The following EPB41L4A variants were observed in gnomAD, a reference collection of about 807,000 sequenced individuals.
EPB41L4A encodes the protein band 4.1-like protein 4A.
EPB41L4A carries 100 observed loss-of-function variants against 108.6 expected under a neutral mutation model. The observed-to-expected ratio is 0.92, with a 90% CI of 0.78 to 1.09. EPB41L4A has a LOEUF of 1.09. Among genes scored for constraint, EPB41L4A ranks in the 50% least tolerant of loss-of-function variants. EPB41L4A has a pLI of 0.00. For synonymous variants in EPB41L4A, 319 were observed against 289.0 expected, an observed-to-expected ratio of 1.10 and a Z score of -1.05; for missense variants, 1,030 against 842.7, an observed-to-expected ratio of 1.22 and a Z score of -2.75.
Position 112,204,385 on chromosome 5 carries a change from C to A in EPB41L4A, c.1366G>T (p.Val456Leu). 1 of 1,611,724 alleles carries A rather than the reference C, an allele frequency of 6.2e-7. No homozygotes were observed. Among genetic ancestry groups the A allele is most frequent in the Middle Eastern group, 1.7e-4 (1 of 6,060 alleles). Residue 456 changes from valine (V) to leucine (L), a missense_variant, in exon 15 of 23, where the codon GTG becomes TTG. Val to Leu is a conservative substitution (Grantham distance 32). Transcript: ENST00000261486. ...TTGTGTTCCGCTTACCTCCTCCTCA[C>A]AGGCTGTACAGAATCATTGTCACTT... is the stretch of plus-strand genomic sequence containing the variant. ...CGSDNDSVQP[V>L]RRRKAHNSGE...
At chr5:112,299,872 A>G (rs1249397059) in intron 2 of EPB41L4A, among the ~76,000 whole-genome samples, 1 of 152,130 alleles carries the variant, frequency 6.6e-6, no homozygotes, top group African/African-American at 2.4e-5. Flanking sequence ...TGGGACTGTG[A>G]TATTTTCCTG....
chr5:112,400,623 G>T (rs1201784892), intron 1 of EPB41L4A, among the ~76,000 whole-genome samples: 1 of 152,020 alleles, frequency 6.6e-6, no homozygotes, highest in African/African-American at 2.4e-5. Context: ...GCAAAGACAG[G>T]ACCAAGCCAT....
intron 1 of EPB41L4A, among the ~76,000 whole-genome samples, chr5:112,331,518 C>A (rs1303334774): frequency 6.6e-6 from 1 of 152,234 alleles, no homozygotes; most frequent in Non-Finnish European, 1.5e-5. Flanking sequence ...CTGCTCCTCA[C>A]TGATACTTTG....
intron 2 of EPB41L4A, among the ~76,000 whole-genome samples, chr5:112,305,530 T>G (rs1754631617): frequency 6.6e-6 from 1 of 152,210 alleles, no homozygotes; most frequent in African/African-American, 2.4e-5. Context: ...AGGGTTTTTT[T>G]TAAATCCTTA....
intron 12 of EPB41L4A, among the ~76,000 whole-genome samples, chr5:112,224,705 A>T (rs1352677344): frequency 1.3e-5 from 2 of 152,150 alleles, no homozygotes; most frequent in East Asian, 3.9e-4. Flanking sequence ...TGGCTTAAAT[A>T]ATCAGTCAAG....
chr5:112,379,089 A>C (rs1206191155), intron 1 of EPB41L4A, among the ~76,000 whole-genome samples: 1 of 152,146 alleles, frequency 6.6e-6, no homozygotes, highest in Non-Finnish European at 1.5e-5. Context: ...AAATCAGTGC[A>C]TTCTCTCAGT....
intron 15 of EPB41L4A, 118 bp from the exon 16 acceptor site, chr5:112,195,826 C>T (rs537104224): frequency 2.0e-5 from 17 of 871,780 alleles, no homozygotes; most frequent in South Asian, 1.4e-4. Context: ...CATTCATTTG[C>T]CAAACATTTA....
intron 12 of EPB41L4A, among the ~76,000 whole-genome samples, chr5:112,220,991 C>A (rs1404540761): frequency 6.6e-6 from 1 of 152,160 alleles, no homozygotes; most frequent in East Asian, 1.9e-4. Flanking sequence ...TATCTCATTT[C>A]TTTGGGTCTT....
chr5:112,244,855 A>C (rs992489551), intron 9 of EPB41L4A, among the ~76,000 whole-genome samples: 1 of 152,178 alleles, frequency 6.6e-6, no homozygotes, highest in African/African-American at 2.4e-5. Flanking sequence ...TTCATTAGAA[A>C]GTAGAGCCTT....
chr5:112,389,504 CATA>C (rs1760787675), intron 1 of EPB41L4A, among the ~76,000 whole-genome samples: 1 of 152,216 alleles, frequency 6.6e-6, no homozygotes, highest in African/African-American at 2.4e-5. Context: ...CTTACACTGG[CATA>C]ATAACGAAGT....
intron 12 of EPB41L4A, among the ~76,000 whole-genome samples, chr5:112,232,997 T>C (rs4958020): frequency 0.3 from 45,921 of 152,064 alleles, 7,715 homozygotes; most frequent in Non-Finnish European, 0.38. Context: ...GAACATGGAT[T>C]AAAGCTGCTT....
rs969821880 is a variant in EPB41L4A at position 112,164,885 on chromosome 5, A to C, written c.*105T>G. On this transcript the variant is annotated 3_prime_UTR_variant, in exon 23 of 23. Transcript: ENST00000261486. ...TAATGTATTTTCTCATGCTGAAGAA[A>C]TACTTGCAGGTCTGAGATTTGAATT... 1 of 1,192,416 alleles carries C rather than the reference A, an allele frequency of 8.4e-7. No homozygotes were observed. The highest frequency in any genetic ancestry group is 1.6e-5 in the African/African-American group (1 of 63,586). 73.9% of individuals were successfully genotyped at this position (1,192,416 alleles called of 1,614,324 possible). A position where few individuals can be genotyped will look rare whatever the true frequency, so the allele number is the denominator to read the frequency against.
intron 3 of EPB41L4A, among the ~76,000 whole-genome samples, chr5:112,278,600 T>C (rs1373720435): frequency 1.3e-5 from 2 of 152,132 alleles, no homozygotes; most frequent in Non-Finnish European, 2.9e-5. Context: ...GACTGCATTA[T>C]AGACTGATAC....
chr5:112,357,984 T>C (rs1272386765), intron 1 of EPB41L4A, among the ~76,000 whole-genome samples: 2 of 152,240 alleles, frequency 1.3e-5, no homozygotes, highest in Non-Finnish European at 2.9e-5. Flanking sequence ...TCTTCCTCAA[T>C]AGTCCAAGAA....
At position 112,170,352 on chromosome 5, in the gene EPB41L4A, G is replaced by A; in HGVS notation, c.1688C>T (p.Pro563Leu). 1.2e-6 allele frequency: 2 copies of A among 1,610,922 alleles called. No individual in the cohort carries two copies. Among genetic ancestry groups the A allele is most frequent in the Non-Finnish European group, 1.7e-6 (2 of 1,177,408 alleles). Reference protein sequence around the residue: ...WKHIQKELVDPSGLSEEQLKE... With the variant: ...WKHIQKELVDLSGLSEEQLKE... ...TAATTGTTCTTCGGACAATCCGGATGGATCCACAAGTTCTTTTCTGTAAAG... is the reference window on the plus strand; with the variant it reads ...TAATTGTTCTTCGGACAATCCGGATAGATCCACAAGTTCTTTTCTGTAAAG... Residue 563 changes from proline (P) to leucine (L), a missense_variant, in exon 20 of 23, where the codon CCA (proline) becomes CTA (leucine). Pro to Leu is a moderately conservative substitution (Grantham distance 98, BLOSUM62 -3). Coordinates refer to ENST00000261486, the MANE Select transcript of EPB41L4A (RefSeq NM_022140.5).
intron 18 of EPB41L4A, among the ~76,000 whole-genome samples, chr5:112,176,522 C>T (rs1268417873): frequency 1.3e-5 from 2 of 152,104 alleles, no homozygotes; most frequent in East Asian, 3.9e-4. Flanking sequence ...GCTACCCACT[C>T]AGTGCATCTG....
chr5:112,247,457 T>C (rs1282609648), intron 9 of EPB41L4A, among the ~76,000 whole-genome samples: 1 of 152,156 alleles, frequency 6.6e-6, no homozygotes, highest in Admixed American at 6.5e-5. Context: ...CTTTCAACAA[T>C]GGAAGTACTG....
intron 1 of EPB41L4A, among the ~76,000 whole-genome samples, chr5:112,400,024 C>T (rs529108351): frequency 2.0e-5 from 3 of 152,300 alleles, no homozygotes; most frequent in South Asian, 4.1e-4. Flanking sequence ...AGTCCATTTT[C>T]GCACTGCTAT....
chr5:112,269,285 G>A (rs1336672175), intron 4 of EPB41L4A, among the ~76,000 whole-genome samples: 1 of 151,630 alleles, frequency 6.6e-6, no homozygotes, highest in Non-Finnish European at 1.5e-5. Context: ...ATCAAAAACT[G>A]AAGGCAAACA....
Sources: gnomAD v4.1 joint callset for allele counts (sites outside exome capture counted in the v4.1 genomes callset) on GRCh38, gnomAD v4.1.1 for gene constraint, MANE v1.5 for transcripts, NCBI Gene and HGNC (gene_info 2026-07-23, HGNC 2026-07-21) for gene names.